The following FBH1 variants were observed in gnomAD, a reference collection of about 807,000 sequenced individuals.
FBH1 encodes F-box DNA helicase 1.
A neutral mutation model predicts 115.5 loss-of-function variants in FBH1; 43 were observed. That is an observed-to-expected ratio of 0.37 (90% CI 0.29 to 0.48). The LOEUF (loss-of-function observed/expected upper bound fraction) is 0.48. Ranked by LOEUF, FBH1 falls within the 20% of genes least tolerant of loss-of-function variation. FBH1 has a pLI of 0.99. For synonymous variants in FBH1, 524 were observed against 507.8 expected (o/e 1.03, Z -0.43); for missense variants, 1,001 against 1,337.3 (o/e 0.75, Z 3.92).
At chr10:5,891,459 A>T (rs574824425) in intron 1 of FBH1, among the ~76,000 whole-genome samples, 9 of 152,138 alleles carry the variant, frequency 5.9e-5, no homozygotes, top group Non-Finnish European at 1.3e-4. Context: ...AGTTAGTGCA[A>T]ATTGGAAGTT....
chr10:5,902,183 C>G (rs191722726), intron 1 of FBH1, among the ~76,000 whole-genome samples: 24 of 152,092 alleles, frequency 1.6e-4, no homozygotes, highest in Admixed American at 3.3e-4. Context: ...CAAGTCAGTT[C>G]TCAATACCAA....
At position 5,906,387 on chromosome 10, in the gene FBH1, A is replaced by G; in HGVS notation, c.508A>G (p.Thr170Ala). The G allele has an allele frequency of 6.2e-7, 1 of 1,614,150 alleles. No homozygotes were observed. The highest frequency in any genetic ancestry group is 8.5e-7 in the Non-Finnish European group (1 of 1,179,940). Residue 170 changes from threonine (T) to alanine (A), a missense_variant, in exon 3 of 21, where the codon ACG becomes GCG. This residue lies in a region of FBH1 where 420 missense variants were observed against 430.4 expected (regional missense o/e 0.98). Coordinates refer to ENST00000362091, the MANE Select transcript of FBH1 (RefSeq NM_178150.3). This position sits in a 1 kb window ranked among gnomAD's most constrained non-coding sequence, Gnocchi z 7.3. Reference sequence around the variant, plus strand: ...GGCCAGGCAAGAAGCAGAGGACAGTACGTCTCGGCTCTCTGCGGAGTCTGG... The same window carrying G: ...GGCCAGGCAAGAAGCAGAGGACAGTGCGTCTCGGCTCTCTGCGGAGTCTGG... Reference protein sequence around the residue: ...REARQEAEDSTSRLSAESGET... With the variant: ...REARQEAEDSASRLSAESGET...
intron 1 of FBH1, among the ~76,000 whole-genome samples, chr10:5,890,783 C>T (rs1353057411): frequency 1.3e-5 from 2 of 152,020 alleles, no homozygotes; most frequent in African/African-American, 4.8e-5. Flanking sequence ...TGCCCCTCCT[C>T]TGAGCATGGG....
rs538085353 is a variant in FBH1, at chr10:5,924,765, C to T, written c.2596+257C>T. ...ATTTTTTGTAGAGATGGAGTCTCAC[C>T]ATGTTGGCCAGGCTGGTCTCGAACT... On this transcript the variant is annotated intron_variant, in intron 17 of 20. Coordinates refer to ENST00000362091, the MANE Select transcript of FBH1 (RefSeq NM_178150.3). The surrounding 1 kb of genome is among the most constrained non-coding windows in gnomAD (Gnocchi z 6.2). The T allele has an allele frequency of 3.7e-5, 20 of 536,866 alleles. No homozygotes were observed. The highest frequency in any genetic ancestry group is 3.6e-4 in the African/African-American group (19 of 53,216). The allele number at this position is 536,866 out of a possible 1,614,324, so 33.3% of individuals were successfully genotyped here.
intron 1 of FBH1, chr10:5,894,516 G>A (rs752054703): frequency 1.1e-6 from 1 of 909,406 alleles, no homozygotes. Context: ...CTTCAGGCAA[G>A]TCCTCTCTGA....
rs1379286063 is a variant in FBH1 at position 5,918,157 on chromosome 10, A to T, written c.1964-185A>T. On this transcript the variant is annotated intron_variant, in intron 12 of 20. Coordinates refer to ENST00000362091, the MANE Select transcript of FBH1 (RefSeq NM_178150.3). The surrounding 1 kb of genome is among the most constrained non-coding windows in gnomAD (Gnocchi z 4.0). ...ACATAATCTGCATTCCTAGCACCAGAAACTGTTTCTTTTGTCCATTATAAA... is the reference window on the plus strand; with the variant it reads ...ACATAATCTGCATTCCTAGCACCAGTAACTGTTTCTTTTGTCCATTATAAA... 1.3e-5 allele frequency among the ~76,000 whole-genome samples: 2 copies of T among 152,230 alleles called. No individual in the cohort carries two copies. Among genetic ancestry groups the T allele is most frequent in the Non-Finnish European group, 2.9e-5 (2 of 68,044 alleles).
In FBH1 at chr10:5,897,869, C is replaced by T. The variant is rs954178448; in HGVS notation, c.2-5151C>T. Reference sequence around the variant, plus strand: ...ATCTTCGCAACAAGCATTTTGGATTCAGACGTATTTTCTGAGATAAATACA... The same window carrying T: ...ATCTTCGCAACAAGCATTTTGGATTTAGACGTATTTTCTGAGATAAATACA... On this transcript the variant is annotated intron_variant, in intron 1 of 20. Coordinates refer to ENST00000362091, the MANE Select transcript of FBH1 (RefSeq NM_178150.3). This position sits in a 1 kb window ranked among gnomAD's most constrained non-coding sequence, Gnocchi z 4.7. Among the ~76,000 whole-genome samples, 3 of 151,634 alleles carry T rather than the reference C, an allele frequency of 2.0e-5. No individual in the cohort carries two copies. Among genetic ancestry groups the T allele is most frequent in the African/African-American group, 7.3e-5 (3 of 41,370 alleles).
At position 5,921,388 on chromosome 10, in the gene FBH1, G is replaced by A; in HGVS notation, c.2200+31G>A. On this transcript the variant is annotated intron_variant, in intron 14 of 20. Transcript: ENST00000362091. The surrounding 1 kb of genome is among the most constrained non-coding windows in gnomAD (Gnocchi z 6.4). The stretch of plus-strand genomic sequence containing the variant: ...GCTTTTAGTTACTCTTCTCTTTTGT[G>A]TTACAAAAGTTTTCCTCTTTATTTC... 6.2e-7 allele frequency: 1 copy of A among 1,610,844 alleles called. No individual in the cohort carries two copies. The highest frequency in any genetic ancestry group is 1.1e-5 in the South Asian group (1 of 90,442).
rs1015908704 is a variant in FBH1, at chr10:5,921,142, G to C, written c.2101-116G>C. The stretch of plus-strand genomic sequence containing the variant: ...AGCCTGTGAAGTTCGCTTTCCATGC[G>C]GGGGGTCAGGAACAACTTGTAGGGT... On this transcript the variant is annotated intron_variant, in intron 13 of 20. Coordinates refer to ENST00000362091, the MANE Select transcript of FBH1 (RefSeq NM_178150.3). The surrounding 1 kb of genome is among the most constrained non-coding windows in gnomAD (Gnocchi z 6.4). 10 of 859,654 alleles carry C rather than the reference G, an allele frequency of 1.2e-5. No homozygotes were observed. The highest frequency in any genetic ancestry group is 6.9e-5 in the African/African-American group (4 of 58,300). 53.3% of individuals were successfully genotyped at this position (859,654 alleles called of 1,614,324 possible). A position where few individuals can be genotyped will look rare whatever the true frequency, so the allele number is the denominator to read the frequency against.
In FBH1 at chr10:5,915,206, T is replaced by C. The variant is rs1218904428; in HGVS notation, c.1397-197T>C. 1.3e-5 allele frequency among the ~76,000 whole-genome samples: 2 copies of C among 152,230 alleles called. No individual in the cohort carries two copies. The highest frequency in any genetic ancestry group is 4.8e-5 in the African/African-American group (2 of 41,462). ...CCCCTCGGCTGGAGCCTGCCCCAGC[T>C]GAGATCCCAGCCCACCTTCACCTGG... is the stretch of plus-strand genomic sequence containing the variant. On this transcript the variant is annotated intron_variant, in intron 8 of 20. Coordinates refer to ENST00000362091, the MANE Select transcript of FBH1 (RefSeq NM_178150.3). The surrounding 1 kb of genome is among the most constrained non-coding windows in gnomAD (Gnocchi z 5.2).
Position 5,895,160 on chromosome 10 carries a change from T to C in FBH1, c.1+4814T>C. On this transcript the variant is annotated intron_variant, in intron 1 of 20. Transcript: ENST00000362091. The surrounding 1 kb of genome is among the most constrained non-coding windows in gnomAD (Gnocchi z 5.0). ...GAGATGCCAGAGGACGAGTGCCCAC[T>C]TGCTGGTCTTCACAGAGCACGCTGA... is the stretch of plus-strand genomic sequence containing the variant. 6.2e-7 allele frequency: 1 copy of C among 1,613,850 alleles called. No individual in the cohort carries two copies. Among genetic ancestry groups the C allele is most frequent in the Non-Finnish European group, 8.5e-7 (1 of 1,179,862 alleles).
intron 13 of FBH1, among the ~76,000 whole-genome samples, chr10:5,920,677 C>T (rs2132040101): frequency 6.6e-6 from 1 of 152,278 alleles, no homozygotes. Flanking sequence ...CTGCTATTCA[C>T]CAAAGCACAT....
chr10:5,910,426 A>G lies in FBH1; in HGVS notation c.1021-512A>G, dbSNP rs985169745. Among the ~76,000 whole-genome samples, 1 of 152,252 alleles carries G rather than the reference A, an allele frequency of 6.6e-6. No individual in the cohort carries two copies. Among genetic ancestry groups the G allele is most frequent in the Admixed American group, 6.5e-5 (1 of 15,292 alleles). ...CATATTTATTTAACTTACAATGAAC[A>G]GTTATTACTAATAATAAATAGCAAG... On this transcript the variant is annotated intron_variant, in intron 5 of 20. Coordinates refer to ENST00000362091, the MANE Select transcript of FBH1 (RefSeq NM_178150.3). This position sits in a 1 kb window ranked among gnomAD's most constrained non-coding sequence, Gnocchi z 4.8.
chr10:5,931,248 C>T lies in FBH1; in HGVS notation c.2829+3707C>T, dbSNP rs140030521. ...AGGGTAACTGCCATCTCAGCAGATA[C>T]GCATTACCTTGCTTTGTTGCACAAC... On this transcript the variant is annotated intron_variant, in intron 19 of 20. Coordinates refer to ENST00000362091, the MANE Select transcript of FBH1 (RefSeq NM_178150.3). The surrounding 1 kb of genome is among the most constrained non-coding windows in gnomAD (Gnocchi z 4.3). 3.0e-4 allele frequency among the ~76,000 whole-genome samples: 45 copies of T among 152,354 alleles called. No homozygotes were observed. The highest frequency in any genetic ancestry group is 9.1e-4 in the African/African-American group (38 of 41,582).
chr10:5,919,025 T>G (rs991215746), intron 13 of FBH1, among the ~76,000 whole-genome samples: 19 of 152,350 alleles, frequency 1.2e-4, no homozygotes, highest in Admixed American at 1.0e-3. Context: ...GCCAAGACAG[T>G]ATATCTCAGC....
intron 1 of FBH1, among the ~76,000 whole-genome samples, chr10:5,902,486 ACTT>A (rs535638193): frequency 8.1e-4 from 123 of 152,170 alleles, no homozygotes; most frequent in African/African-American, 3.0e-3. Flanking sequence ...ACTAGTGACA[ACTT>A]CTTTTTTTGC....
rs571930565 is a variant in FBH1 at position 5,900,735 on chromosome 10, A to T, written c.2-2285A>T. 1.3e-5 allele frequency among the ~76,000 whole-genome samples: 2 copies of T among 152,220 alleles called. No individual in the cohort carries two copies. The highest frequency in any genetic ancestry group is 2.9e-5 in the Non-Finnish European group (2 of 68,032). ...TTTCTGAATTAGCTAGGGAGGAATA[A>T]TGAAAAAATATTGTAAACTATATCA... On this transcript the variant is annotated intron_variant, in intron 1 of 20. Coordinates refer to ENST00000362091, the MANE Select transcript of FBH1 (RefSeq NM_178150.3). This position sits in a 1 kb window ranked among gnomAD's most constrained non-coding sequence, Gnocchi z 4.2.
At chr10:5,894,421 G>A in intron 1 of FBH1, 1 of 1,607,726 alleles carries the variant, frequency 6.2e-7, no homozygotes, top group Admixed American at 1.7e-5. Flanking sequence ...AGTGAAGAAT[G>A]TCACAGTAGG....
chr10:5,890,318 G>A lies in FBH1; in HGVS notation c.-28G>A. 1 of 377,312 alleles carries A rather than the reference G, an allele frequency of 2.7e-6. No homozygotes were observed. Among genetic ancestry groups the A allele is most frequent in the Non-Finnish European group, 4.9e-6 (1 of 202,924 alleles). The allele number at this position is 377,312 out of a possible 1,614,324, so 23.4% of individuals were successfully genotyped here. On this transcript the variant is annotated 5_prime_UTR_variant, in exon 1 of 21. Coordinates refer to ENST00000362091, the MANE Select transcript of FBH1 (RefSeq NM_178150.3). Reference sequence around the variant, plus strand: ...CGGCGGCGCGGGCCCGGCGGCGGCGGCAGCGGGGTCCGGGTCCGGAGCGCC... The same window carrying A: ...CGGCGGCGCGGGCCCGGCGGCGGCGACAGCGGGGTCCGGGTCCGGAGCGCC...
Sources: gnomAD v4.1 joint callset for allele counts (sites outside exome capture counted in the v4.1 genomes callset) on GRCh38, gnomAD v4.1.1 for gene constraint, gnomAD v4.1.1 regional missense constraint, Gnocchi (gnomAD v3.1) non-coding constraint, MANE v1.5 for transcripts, NCBI Gene and HGNC (gene_info 2026-07-23, HGNC 2026-07-21) for gene names.